CFAP74: variants seen among roughly 807,000 people sequenced by gnomAD.
The protein encoded by CFAP74 is cilia and flagella associated protein 74.
CFAP74 carries 124 observed loss-of-function variants against 188.9 expected under a neutral mutation model. The observed-to-expected ratio is 0.66, with a 90% CI of 0.57 to 0.76. The LOEUF is 0.76. CFAP74 is among the 30% of genes least tolerant of loss of function. The pLI is 0.00. For missense variants in CFAP74, 2,198 were observed against 2,165.2 expected, an observed-to-expected ratio of 1.02 and a Z score of -0.30; for synonymous variants, 956 against 916.7, an observed-to-expected ratio of 1.04 and a Z score of -0.77.
intron 6 of CFAP74, among the ~76,000 whole-genome samples, chr1:1,977,007 G>A (rs1420814922): frequency 2.6e-5 from 4 of 151,760 alleles, no homozygotes; most frequent in Non-Finnish European, 5.9e-5. Flanking sequence ...CACCATGCCC[G>A]GCTAATTTTT....
chr1:1,978,058 G>A (rs1656563967), intron 6 of CFAP74, among the ~76,000 whole-genome samples: 2 of 152,228 alleles, frequency 1.3e-5, no homozygotes, highest in Non-Finnish European at 2.9e-5. Flanking sequence ...CATGTTCCCA[G>A]GCTGATCTCA....
intron 14 of CFAP74, among the ~76,000 whole-genome samples, chr1:1,962,872 G>C (rs954319984): frequency 6.6e-6 from 1 of 152,210 alleles, no homozygotes; most frequent in African/African-American, 2.4e-5. Flanking sequence ...CTGGGTGACA[G>C]AGCAAGACCC....
chr1:1,925,756 C>T, intron 33 of CFAP74, 27 bp downstream of exon 33: 1 of 1,597,472 alleles, frequency 6.3e-7, no homozygotes, highest in Non-Finnish European at 8.5e-7. Flanking sequence ...AGGCTGGAGC[C>T]AGCACCAGGG....
In CFAP74 at chr1:1,985,829, G is replaced by A. The variant is rs140353630; in HGVS notation, c.396-339C>T. Among the ~76,000 whole-genome samples, 160 of 152,344 alleles carry A rather than the reference G, an allele frequency of 1.1e-3. 1 individual carries two copies. In the East Asian group the frequency reaches 0.019, roughly 18 times the overall value. On this transcript the variant is annotated intron_variant, in intron 5 of 38. Transcript: ENST00000682832. ...CGTGCGACAAGCCCCAAGCCCTCGC[G>A]TCAGGGCGCCCTGGGTCCCCTCCCT... is the stretch of plus-strand genomic sequence containing the variant.
Position 1,923,553 on chromosome 1 carries a change from T to C in CFAP74, c.4390-54A>G. 1 of 1,587,604 alleles carries C rather than the reference T, an allele frequency of 6.3e-7. No homozygotes were observed. The highest frequency in any genetic ancestry group is 8.6e-7 in the Non-Finnish European group (1 of 1,163,298). ...CCCCGAAGCTCGGCGGCAGGGGTCCTGCTGGTGAGAGCTGGGCTGGCTCAG... is the reference window on the plus strand; with the variant it reads ...CCCCGAAGCTCGGCGGCAGGGGTCCCGCTGGTGAGAGCTGGGCTGGCTCAG... On this transcript the variant is annotated intron_variant, in intron 35 of 38. Transcript: ENST00000682832. The surrounding 1 kb of genome is among the most constrained non-coding windows in gnomAD (Gnocchi z 6.3).
chr1:1,925,426 C>T (rs375046023), intron 33 of CFAP74, among the ~76,000 whole-genome samples: 7 of 152,300 alleles, frequency 4.6e-5, no homozygotes, highest in African/African-American at 1.4e-4. Flanking sequence ...CAAACCCTTG[C>T]CCCCGGTGGC....
At position 1,925,875 on chromosome 1, in the gene CFAP74, C is replaced by T; in HGVS notation, c.4012G>A (p.Gly1338Ser). 6.2e-7 allele frequency: 1 copy of T among 1,612,688 alleles called. No homozygotes were observed. Among genetic ancestry groups the T allele is most frequent in the Non-Finnish European group, 8.5e-7 (1 of 1,179,888 alleles). Residue 1338 changes from glycine to serine, a missense_variant, in exon 33 of 39, where the codon GGC (glycine) becomes AGC (serine). Gly to Ser is a moderately conservative substitution (Grantham distance 56, BLOSUM62 0). Transcript: ENST00000682832. ...GAGCACGTGATCATGGACGCCACGCCAGTGCCCATGAGGGTGAGGGTGAGC... is the reference window on the plus strand; with the variant it reads ...GAGCACGTGATCATGGACGCCACGCTAGTGCCCATGAGGGTGAGGGTGAGC... ...GTLTLTLMGTGVASMITCSIE... is the reference protein window; with the variant it reads ...GTLTLTLMGTSVASMITCSIE...
rs1314099935 is a variant in CFAP74 at position 1,955,694 on chromosome 1, C to T, written c.2173G>A (p.Ala725Thr). Residue 725 changes from alanine to threonine, a missense_variant, in exon 18 of 39, where the codon GCA (alanine) becomes ACA (threonine). Transcript: ENST00000682832. ...LDKEQEEEQP[A>T]EPERLTTVIP... ...TTGGCCTGGCAGCCTGGCTCACCTG[C>T]GGGCTGCTCCTCCTCCTGCTCCTTG... 7 of 1,601,184 alleles carry T rather than the reference C, an allele frequency of 4.4e-6. No individual in the cohort carries two copies. Among genetic ancestry groups the T allele is most frequent in the Admixed American group, 1.7e-5 (1 of 59,686 alleles).
chr1:1,971,331 C>A (rs6675382), intron 9 of CFAP74, among the ~76,000 whole-genome samples: 15,817 of 147,244 alleles, frequency 0.11, 2,286 homozygotes, highest in African/African-American at 0.34. Flanking sequence ...ACTTGCACAC[C>A]TGCACACACG....
intron 25 of CFAP74, among the ~76,000 whole-genome samples, chr1:1,935,942 G>A (rs1401759772): frequency 6.6e-6 from 1 of 152,044 alleles, no homozygotes. Flanking sequence ...GAGAGGTCAG[G>A]TGTAGTGGCT....
In CFAP74 at chr1:1,947,635, C is replaced by T. The variant is rs760380842; in HGVS notation, c.2177-581G>A. Among the ~76,000 whole-genome samples the T allele has an allele frequency of 2.2e-4, 33 of 152,326 alleles. 1 individual carries two copies. Among genetic ancestry groups the T allele is most frequent in the African/African-American group, 4.6e-4 (19 of 41,584 alleles). On this transcript the variant is annotated intron_variant, in intron 18 of 38. Transcript: ENST00000682832. Reference sequence around the variant, plus strand: ...ACTTTGCACCTGAACAGAGGCAATTCGAGAGGCCACGCGCAGGTTGGCATT... The same window carrying T: ...ACTTTGCACCTGAACAGAGGCAATTTGAGAGGCCACGCGCAGGTTGGCATT...
Position 1,924,538 on chromosome 1 carries a change from C to T in CFAP74, c.4105-18G>A, listed in dbSNP as rs1467996304. The T allele has an allele frequency of 8.2e-6, 13 of 1,589,556 alleles. No individual in the cohort carries two copies. The highest frequency in any genetic ancestry group is 6.9e-5 in the East Asian group (3 of 43,196). On this transcript the variant is annotated intron_variant, in intron 33 of 38. Transcript: ENST00000682832. ...TTCTGCAGCTGCAGAGAGCAGGCCG[C>T]GGTCACTGCCCGCCAGCCCCTGCCT...
intron 25 of CFAP74, among the ~76,000 whole-genome samples, chr1:1,933,605 T>G (rs1652591101): frequency 6.6e-6 from 1 of 152,234 alleles, no homozygotes; most frequent in African/African-American, 2.4e-5. Context: ...CTTATCGCTT[T>G]GATATTTGTT....
chr1:1,947,765 C>T (rs977868551), intron 18 of CFAP74, among the ~76,000 whole-genome samples: 11 of 152,380 alleles, frequency 7.2e-5, no homozygotes, highest in South Asian at 2.1e-4. Flanking sequence ...GAGCCTGCCC[C>T]GGGCTCAGCG....
In CFAP74 at chr1:1,966,428, TTCC is replaced by T; in HGVS notation, c.1341_1343del (p.Glu448del). The T allele has an allele frequency of 6.2e-7, 1 of 1,604,744 alleles. No homozygotes were observed. On this transcript the variant is annotated inframe_deletion, in exon 12 of 39. Coordinates refer to ENST00000682832, the MANE Select transcript of CFAP74 (RefSeq NM_001304360.2). ...CAGAGATCTCGGGCTCAGCTAACGT[TTCC>T]TCCTCTGAGCTGGCCCCGGGGTCCC...
At chr1:2,001,684 C>T (rs924227365) in intron 1 of CFAP74, among the ~76,000 whole-genome samples, 2 of 152,276 alleles carry the variant, frequency 1.3e-5, no homozygotes, top group African/African-American at 4.8e-5. Flanking sequence ...TTGGCAGATA[C>T]CACCTTAATC....
At chr1:1,960,061 T>C (rs1315242234) in intron 14 of CFAP74, 31 bp from the exon 15 acceptor site, 2 of 1,579,728 alleles carry the variant, frequency 1.3e-6, no homozygotes, top group South Asian at 1.1e-5. Context: ...CACACGGGGG[T>C]TAGTGCTGCG....
At position 1,985,416 on chromosome 1, in the gene CFAP74, G is replaced by C. The variant is rs568569740; in HGVS notation, c.470C>G (p.Ser157Trp). Reference sequence around the variant, plus strand: ...CTCCTTCAGCACGGCCTCAGTCCTCGACTGCAGGTCTCTCTCGTTCTCCAG... The same window carrying C: ...CTCCTTCAGCACGGCCTCAGTCCTCCACTGCAGGTCTCTCTCGTTCTCCAG... ...AELENERDLQSRTEAVLKESE... is the reference protein window; with the variant it reads ...AELENERDLQWRTEAVLKESE... Residue 157 changes from serine to tryptophan, a missense_variant, in exon 6 of 39, where the codon TCG becomes TGG. Ser to Trp is a radical substitution (Grantham distance 177). Coordinates refer to ENST00000682832, the MANE Select transcript of CFAP74 (RefSeq NM_001304360.2). The C allele has an allele frequency of 1.2e-6, 2 of 1,614,068 alleles. No homozygotes were observed. Among genetic ancestry groups the C allele is most frequent in the South Asian group, 2.2e-5 (2 of 91,078 alleles).
Position 1,944,330 on chromosome 1 carries a change from C to T in CFAP74, c.2486+1G>A, listed in dbSNP as rs1300698387. The T allele has an allele frequency of 6.5e-7, 1 of 1,535,030 alleles. No individual in the cohort carries two copies. Among genetic ancestry groups the T allele is most frequent in the Non-Finnish European group, 8.7e-7 (1 of 1,146,674 alleles). Reference sequence around the variant, plus strand: ...GTGTGCATGGACAGGAGGGGGCTCACCGCGTGTGCACGAGCACAGAGTCCT... The same window carrying T: ...GTGTGCATGGACAGGAGGGGGCTCATCGCGTGTGCACGAGCACAGAGTCCT... On this transcript the variant is annotated splice_donor_variant, in intron 21 of 38. Coordinates refer to ENST00000682832, the MANE Select transcript of CFAP74 (RefSeq NM_001304360.2). LOFTEE classifies it high-confidence loss of function.
Sources: gnomAD v4.1 joint callset for allele counts (sites outside exome capture counted in the v4.1 genomes callset) on GRCh38, gnomAD v4.1.1 for gene constraint, Gnocchi (gnomAD v3.1) non-coding constraint, MANE v1.5 for transcripts, NCBI Gene and HGNC (gene_info 2026-07-23, HGNC 2026-07-21) for gene names.